Variants in VPS53 observed in about 807,000 individuals in gnomAD.
The protein encoded by VPS53 is vacuolar protein sorting-associated protein 53 homolog.
Under a neutral mutation model 107.0 loss-of-function variants are expected in VPS53, and 70 were observed. That is an observed-to-expected ratio of 0.65 (90% CI 0.54 to 0.80). The LOEUF is 0.80. VPS53 is among the 30% of genes least tolerant of loss of function. The pLI is 0.00. For missense variants in VPS53, 917 were observed against 1,049.4 expected (o/e 0.87, Z 1.74); for synonymous variants, 409 against 393.3 (o/e 1.04, Z -0.47).
chr17:706,905 C>G (rs1011888945), intron 2 of VPS53, among the ~76,000 whole-genome samples: 1 of 152,170 alleles, frequency 6.6e-6, no homozygotes, highest in South Asian at 2.1e-4. Flanking sequence ...TGCCTGTAGT[C>G]TCTCCCCACC....
chr17:593,831 A>G (rs1967810240), intron 12 of VPS53, among the ~76,000 whole-genome samples: 1 of 152,206 alleles, frequency 6.6e-6, no homozygotes, highest in Non-Finnish European at 1.5e-5. Flanking sequence ...AGGACTATAA[A>G]TCATGCTGCT....
intron 13 of VPS53, among the ~76,000 whole-genome samples, chr17:565,664 G>A (rs1283795435): frequency 6.6e-6 from 1 of 151,918 alleles, no homozygotes; most frequent in Non-Finnish European, 1.5e-5. Context: ...TCCAGCCAGA[G>A]GTTCCTCGCA....
intron 15 of VPS53, among the ~76,000 whole-genome samples, chr17:556,915 A>AG (rs200726784): frequency 1.4e-5 from 2 of 141,656 alleles, no homozygotes; most frequent in South Asian, 4.8e-4. Context: ...TCTCTGCTGA[A>AG]GGGGGGTGGC....
chr17:665,973 C>T (rs1372502179), intron 4 of VPS53, among the ~76,000 whole-genome samples: 2 of 152,016 alleles, frequency 1.3e-5, no homozygotes, highest in South Asian at 2.1e-4. Flanking sequence ...CACTGCACTC[C>T]AACCTGGGTA....
intron 4 of VPS53, among the ~76,000 whole-genome samples, chr17:681,262 G>A (rs1410990316): frequency 2.0e-5 from 3 of 151,996 alleles, no homozygotes; most frequent in African/African-American, 4.8e-5. Flanking sequence ...TCAGCCTCCC[G>A]AGTAGCTGGG....
chr17:625,955 C>G (rs1220320507), intron 10 of VPS53, among the ~76,000 whole-genome samples: 1 of 152,016 alleles, frequency 6.6e-6, no homozygotes, highest in Non-Finnish European at 1.5e-5. Flanking sequence ...GAACCAGTTA[C>G]CAACACTGTT....
chr17:612,561 TAC>T (rs150807503), intron 11 of VPS53, among the ~76,000 whole-genome samples: 4,783 of 143,324 alleles, frequency 0.033, 221 homozygotes, highest in Middle Eastern at 0.11. Flanking sequence ...TGAAAACCTG[TAC>T]AGATACTCAC....
At chr17:642,792 TCAAGGACAACACTCATACTTGGAAAG>T (rs1597423620) in intron 7 of VPS53, among the ~76,000 whole-genome samples, 2 of 85,400 alleles carry the variant, frequency 2.3e-5, no homozygotes, top group East Asian at 4.3e-4. Flanking sequence ...TACTTGGAAA[TCAAGGACAACACTCATACTTGGAAAG>T]CGAGGACAAC....
Position 714,695 on chromosome 17 carries a change from C to A in VPS53, c.15G>T (p.Glu5Asp). ...CCAGCTCCTCCACGAACTCCAGTTCCTCCTCCTCCATCATTCCGCCACCCG... is the reference window on the plus strand; with the variant it reads ...CCAGCTCCTCCACGAACTCCAGTTCATCCTCCTCCATCATTCCGCCACCCG... MMEE[E>D]ELEFVEELEA... Residue 5 changes from glutamate to aspartate, a missense_variant, in exon 1 of 22, where the codon GAG becomes GAT. Coordinates refer to ENST00000437048, the MANE Select transcript of VPS53 (RefSeq NM_001128159.3). 1 of 1,613,602 alleles carries A rather than the reference C, an allele frequency of 6.2e-7. No individual in the cohort carries two copies. The highest frequency in any genetic ancestry group is 8.5e-7 in the Non-Finnish European group (1 of 1,179,774).
chr17:662,832 AG>A (rs1400166224), intron 4 of VPS53, among the ~76,000 whole-genome samples: 4,265 of 71,136 alleles, frequency 0.06, 269 homozygotes, highest in Middle Eastern at 0.12. Flanking sequence ...AGAAAGAGAA[AG>A]AAAGGAAGGA....
intron 4 of VPS53, among the ~76,000 whole-genome samples, chr17:690,577 C>A (rs1383984739): frequency 1.3e-5 from 2 of 152,238 alleles, no homozygotes; most frequent in Non-Finnish European, 2.9e-5. Context: ...CCTGCTTACG[C>A]CGCTTAGGTT....
chr17:615,661 C>T (rs1279547332), intron 11 of VPS53, among the ~76,000 whole-genome samples: 1 of 152,142 alleles, frequency 6.6e-6, no homozygotes, highest in Non-Finnish European at 1.5e-5. Flanking sequence ...CAAAGGGTAT[C>T]AAGATATACC....
intron 11 of VPS53, among the ~76,000 whole-genome samples, chr17:612,047 G>C (rs1968904879): frequency 6.6e-6 from 1 of 151,396 alleles, no homozygotes; most frequent in South Asian, 2.1e-4. Flanking sequence ...TTCACAGTGA[G>C]TTCACACAGT....
intron 17 of VPS53, among the ~76,000 whole-genome samples, chr17:544,622 G>A (rs1016940538): frequency 3.9e-4 from 59 of 152,216 alleles, no homozygotes; most frequent in African/African-American, 1.3e-3. Context: ...TCTGGAGCAG[G>A]TGATTTAATG....
chr17:672,082 T>G (rs1192411729), intron 4 of VPS53, among the ~76,000 whole-genome samples: 5 of 137,118 alleles, frequency 3.6e-5, no homozygotes, highest in Non-Finnish European at 7.7e-5. Flanking sequence ...GGCAGGAGGC[T>G]GGACTACAGG....
intron 14 of VPS53, among the ~76,000 whole-genome samples, chr17:561,528 A>G (rs1160169139): frequency 6.6e-6 from 1 of 152,370 alleles, no homozygotes; most frequent in Non-Finnish European, 1.5e-5. Context: ...CAAACAAACA[A>G]AAGCACACAG....
intron 13 of VPS53, among the ~76,000 whole-genome samples, chr17:572,771 G>A (rs544681622): frequency 6.7e-6 from 1 of 148,614 alleles, no homozygotes; most frequent in Non-Finnish European, 1.5e-5. Flanking sequence ...TGACCACTCA[G>A]GGTTAAATGG....
At chr17:635,511 A>G (rs1178853160) in intron 7 of VPS53, among the ~76,000 whole-genome samples, 1 of 152,150 alleles carries the variant, frequency 6.6e-6, no homozygotes, top group Non-Finnish European at 1.5e-5. Flanking sequence ...GTTTTCTTCT[A>G]GGGTTTTTAT....
At chr17:552,125 GGT>G (rs1297729384) in intron 16 of VPS53, among the ~76,000 whole-genome samples, 175 bp from the exon 17 acceptor site, 1 of 152,036 alleles carries the variant, frequency 6.6e-6, no homozygotes, top group African/African-American at 2.4e-5. Flanking sequence ...GTTTTATCTG[GGT>G]GTGTCCTCAC....
Sources: allele counts gnomAD v4.1 joint callset (sites outside exome capture counted in the v4.1 genomes callset), GRCh38; gene constraint gnomAD v4.1.1; transcripts MANE v1.5; gene names NCBI Gene and HGNC (gene_info 2026-07-23, HGNC 2026-07-21).